Variants in MAML2 observed in about 807,000 individuals in gnomAD.
MAML2 encodes mastermind like transcriptional coactivator 2, also known as mastermind-like protein 2.
Under a neutral mutation model 96.1 loss-of-function variants are expected in MAML2, and 22 were observed. That is an observed-to-expected ratio of 0.23 (90% CI 0.16 to 0.33). The LOEUF is 0.33. Ranked by LOEUF, MAML2 falls within the 10% of genes least tolerant of loss-of-function variation. The probability of loss-of-function intolerance (pLI) is 1.00; values close to 1 mark genes in which losing one functional copy is unlikely to be tolerated. For missense variants in MAML2, 1,367 were observed against 1,392.4 expected (o/e 0.98, Z 0.29); for synonymous variants, 561 against 521.3 (o/e 1.08, Z -1.04).
chr11:96,256,023 G>A (rs546531143), intron 1 of MAML2, among the ~76,000 whole-genome samples: 152 of 151,788 alleles, frequency 1.0e-3, no homozygotes, highest in South Asian at 2.7e-3. Context: ...ACAAGCGCCC[G>A]CCACCACACC....
At chr11:96,199,886 C>T (rs2135929185) in intron 1 of MAML2, among the ~76,000 whole-genome samples, 1 of 152,260 alleles carries the variant, frequency 6.6e-6, no homozygotes, top group South Asian at 2.1e-4. Flanking sequence ...GGAAAAGTCC[C>T]TCTATATTTT....
intron 1 of MAML2, among the ~76,000 whole-genome samples, chr11:96,096,898 T>A (rs1346097596): frequency 1.3e-5 from 2 of 152,182 alleles, no homozygotes; most frequent in African/African-American, 4.8e-5. Context: ...CATGTGTGAT[T>A]CCATTAGGAT....
intron 1 of MAML2, among the ~76,000 whole-genome samples, chr11:96,178,101 T>C (rs1476299893): frequency 1.3e-5 from 2 of 151,530 alleles, no homozygotes; most frequent in Non-Finnish European, 2.9e-5. Flanking sequence ...TTTTCTTTTT[T>C]TTTTGCTGAC....
intron 1 of MAML2, among the ~76,000 whole-genome samples, chr11:96,328,900 G>A (rs1033846729): frequency 3.3e-5 from 5 of 151,952 alleles, no homozygotes; most frequent in South Asian, 2.1e-4. Flanking sequence ...ATAGTTCCCC[G>A]TTAAAGCAGA....
chr11:96,305,475 T>C (rs1345802101), intron 1 of MAML2, among the ~76,000 whole-genome samples: 1 of 152,182 alleles, frequency 6.6e-6, no homozygotes, highest in Non-Finnish European at 1.5e-5. Flanking sequence ...GGGAACTCTT[T>C]GTATTTTCCA....
intron 1 of MAML2, among the ~76,000 whole-genome samples, chr11:96,175,223 GA>G (rs1861364744): frequency 6.6e-6 from 1 of 152,198 alleles, no homozygotes; most frequent in South Asian, 2.1e-4. Context: ...ATCCTTGCAA[GA>G]ATAAAGGAGT....
chr11:96,106,354 T>G (rs1860020704), intron 1 of MAML2, among the ~76,000 whole-genome samples: 1 of 152,250 alleles, frequency 6.6e-6, no homozygotes, highest in Admixed American at 6.5e-5. Context: ...CTTCATTTGA[T>G]GAGAATCACT....
At chr11:96,227,041 C>G (rs898082450) in intron 1 of MAML2, among the ~76,000 whole-genome samples, 1 of 152,124 alleles carries the variant, frequency 6.6e-6, no homozygotes, top group Non-Finnish European at 1.5e-5. Flanking sequence ...AATAAGTATT[C>G]ACAGAATCAG....
chr11:96,187,145 T>A (rs1591062576), intron 1 of MAML2, among the ~76,000 whole-genome samples: 1 of 152,342 alleles, frequency 6.6e-6, no homozygotes, highest in Non-Finnish European at 1.5e-5. Flanking sequence ...TGAATCAAGT[T>A]GTCTCTGCAC....
chr11:96,090,911 T>C (rs988468009), intron 2 of MAML2, among the ~76,000 whole-genome samples: 1 of 152,230 alleles, frequency 6.6e-6, no homozygotes, highest in Non-Finnish European at 1.5e-5. Context: ...GAGATAATTT[T>C]TTGACATATA....
At chr11:96,151,699 C>T (rs1012017476) in intron 1 of MAML2, among the ~76,000 whole-genome samples, 1 of 152,178 alleles carries the variant, frequency 6.6e-6, no homozygotes, top group Non-Finnish European at 1.5e-5. Flanking sequence ...GTAAGACACC[C>T]GCTCCTACTT....
At chr11:96,211,365 G>A (rs370682978) in intron 1 of MAML2, among the ~76,000 whole-genome samples, 16 of 150,842 alleles carry the variant, frequency 1.1e-4, no homozygotes, top group Non-Finnish European at 1.0e-4. Flanking sequence ...AATAATTGTC[G>A]TAAGTACATT....
chr11:96,253,068 C>T (rs940882167), intron 1 of MAML2, among the ~76,000 whole-genome samples: 2 of 152,118 alleles, frequency 1.3e-5, no homozygotes, highest in African/African-American at 2.4e-5. Context: ...CATAATCCCC[C>T]TCGCACAGAA....
intron 2 of MAML2, among the ~76,000 whole-genome samples, chr11:96,040,741 T>C (rs1201149987): frequency 6.6e-6 from 1 of 152,210 alleles, no homozygotes; most frequent in African/African-American, 2.4e-5. Context: ...CACTCCCTTC[T>C]GGGCGACAGA....
At chr11:96,174,618 A>T (rs1861353511) in intron 1 of MAML2, among the ~76,000 whole-genome samples, 1 of 152,172 alleles carries the variant, frequency 6.6e-6, no homozygotes, top group Non-Finnish European at 1.5e-5. Flanking sequence ...TCCTGACCTC[A>T]GGTGATCCAC....
At chr11:96,160,454 G>A (rs1861085725) in intron 1 of MAML2, among the ~76,000 whole-genome samples, 1 of 147,410 alleles carries the variant, frequency 6.8e-6, no homozygotes, top group Non-Finnish European at 1.5e-5. Flanking sequence ...TGGAGACAGA[G>A]TCTTACTCTG....
chr11:96,206,071 C>T (rs1335460385), intron 1 of MAML2, among the ~76,000 whole-genome samples: 1 of 149,530 alleles, frequency 6.7e-6, no homozygotes, highest in Non-Finnish European at 1.5e-5. Flanking sequence ...TTTTGATTGA[C>T]TCTTTTTTTT....
chr11:96,293,886 C>A (rs1863250149), intron 1 of MAML2, among the ~76,000 whole-genome samples: 1 of 152,172 alleles, frequency 6.6e-6, no homozygotes, highest in East Asian at 1.9e-4. Context: ...TTCTAAATGG[C>A]CCAAACATCC....
chr11:96,296,998 C>G (rs1427868841), intron 1 of MAML2, among the ~76,000 whole-genome samples: 1 of 152,152 alleles, frequency 6.6e-6, no homozygotes, highest in African/African-American at 2.4e-5. Flanking sequence ...CTTTGTCAGG[C>G]TCTTCTGTAA....
Sources: allele counts gnomAD v4.1 joint callset (sites outside exome capture counted in the v4.1 genomes callset), GRCh38; gene constraint gnomAD v4.1.1; transcripts MANE v1.5; gene names NCBI Gene and HGNC (gene_info 2026-07-23, HGNC 2026-07-21).